The following SVIL variants were observed in gnomAD, a reference collection of about 807,000 sequenced individuals.
SVIL encodes the protein archvillin.
A neutral mutation model predicts 240.4 loss-of-function variants in SVIL; 101 were observed. The ratio of observed to expected loss-of-function variants is 0.42; its 90% CI spans 0.36 to 0.50. The LOEUF is 0.50. Ranked by LOEUF, SVIL falls within the 20% of genes least tolerant of loss-of-function variation. The pLI is 0.01. For missense variants in SVIL, 2,512 were observed against 2,818.7 expected, an observed-to-expected ratio of 0.89 and a Z score of 2.46; for synonymous variants, 999 against 1,100.0, an observed-to-expected ratio of 0.91 and a Z score of 1.82.
intron 3 of SVIL, among the ~76,000 whole-genome samples, chr10:29,559,754 G>A (rs1954282919): frequency 6.6e-6 from 1 of 152,170 alleles, no homozygotes; most frequent in African/African-American, 2.4e-5. Context: ...TGGACTCTGT[G>A]AGTCTATTTC....
chr10:29,637,348 G>A (rs1021406622), upstream of SVIL, among the ~76,000 whole-genome samples: 8 of 152,040 alleles, frequency 5.3e-5, no homozygotes, highest in Non-Finnish European at 1.0e-4. Context: ...TTAGCCAGGC[G>A]TGGTGGTGCA....
At chr10:29,639,013 T>C (rs1459941093), upstream of SVIL, among the ~76,000 whole-genome samples, 1 of 152,206 alleles carries the variant, frequency 6.6e-6, no homozygotes, top group Non-Finnish European at 1.5e-5. Flanking sequence ...CAGGCTGGTC[T>C]TGAACTCTTG....
At chr10:29,711,498 C>G (rs1047867029) in intron 1 of SVIL, among the ~76,000 whole-genome samples, 1 of 150,162 alleles carries the variant, frequency 6.7e-6, no homozygotes, top group African/African-American at 2.5e-5. Flanking sequence ...ACACTACTCA[C>G]GCCTGTAATC....
At chr10:29,677,097 C>T (rs552462250) in intron 2 of SVIL, among the ~76,000 whole-genome samples, 2 of 152,248 alleles carry the variant, frequency 1.3e-5, no homozygotes, top group South Asian at 4.1e-4. Context: ...AGAAATAATG[C>T]CAGGGACTAA....
intron 1 of SVIL, among the ~76,000 whole-genome samples, chr10:29,583,676 C>T (rs1025974031): frequency 4.6e-5 from 7 of 152,142 alleles, no homozygotes; most frequent in Non-Finnish European, 7.3e-5. Context: ...CTGATTGATG[C>T]GGGGTAGGGG....
At chr10:29,507,784 CAGG>C (rs1420059815) in intron 17 of SVIL, 1 of 985,152 alleles carries the variant, frequency 1.0e-6, no homozygotes, top group African/African-American at 1.7e-5. Context: ...GCAGGAATAG[CAGG>C]AGAATAAGTA....
At chr10:29,618,245 T>A (rs1957500987) in intron 1 of SVIL, among the ~76,000 whole-genome samples, 1 of 152,248 alleles carries the variant, frequency 6.6e-6, no homozygotes, top group African/African-American at 2.4e-5. Flanking sequence ...TTAGGAACCA[T>A]GACCTCAACT....
chr10:29,674,229 GGAA>G (rs1490138524), intron 2 of SVIL, among the ~76,000 whole-genome samples: 2 of 152,068 alleles, frequency 1.3e-5, no homozygotes, highest in Non-Finnish European at 2.9e-5. Context: ...CAGCTACTTG[GGAA>G]GCCAAGTGGG....
intron 2 of SVIL, among the ~76,000 whole-genome samples, chr10:29,686,400 T>G (rs572189708): frequency 1.3e-5 from 2 of 152,338 alleles, no homozygotes; most frequent in African/African-American, 2.4e-5. Context: ...TTAAGTTTTG[T>G]TTTTAAAAAG....
intron 30 of SVIL, 23 bp downstream of exon 30, chr10:29,473,815 G>T (rs568409608): frequency 1.9e-6 from 3 of 1,613,562 alleles, no homozygotes; most frequent in African/African-American, 1.3e-5. Flanking sequence ...AGTCCCCGGG[G>T]TGCAGAGCTC....
At chr10:29,692,943 C>T (rs1015495958) in intron 1 of SVIL, among the ~76,000 whole-genome samples, 2 of 152,168 alleles carry the variant, frequency 1.3e-5, no homozygotes, top group African/African-American at 4.8e-5. Flanking sequence ...TAGTCCTTAA[C>T]CATATATGCC....
At position 29,484,814 on chromosome 10, in the gene SVIL, A is replaced by C; in HGVS notation, c.4797T>G (p.Phe1599Leu). The change falls in exon 27 of 38, where the codon TTT becomes TTG. Residue 1599 changes from phenylalanine to leucine, a missense_variant. Coordinates refer to ENST00000355867, the MANE Select transcript of SVIL (RefSeq NM_021738.3). This position sits in a 1 kb window ranked among gnomAD's most constrained non-coding sequence, Gnocchi z 4.7. ...LQPKEVLVFD[F>L]GSEVYVWHGK... ...CATGCCATACGTAAACTTCACTACC[A>C]AAATCAAACACCAGTACCTGGGAGA... The C allele has an allele frequency of 6.2e-7, 1 of 1,610,552 alleles. No homozygotes were observed. Among genetic ancestry groups the C allele is most frequent in the Non-Finnish European group, 8.5e-7 (1 of 1,178,576 alleles).
upstream of SVIL, among the ~76,000 whole-genome samples, chr10:29,637,152 TAC>T (rs1355028900): frequency 6.6e-6 from 1 of 151,980 alleles, no homozygotes; most frequent in African/African-American, 2.4e-5. Context: ...ATAGTAAAGG[TAC>T]AGGCCCTAGA....
chr10:29,562,079 T>C (rs916090934), intron 3 of SVIL, among the ~76,000 whole-genome samples: 4 of 152,186 alleles, frequency 2.6e-5, no homozygotes, highest in South Asian at 2.1e-4. Flanking sequence ...AAAGAATACG[T>C]TTTTTGTTCT....
chr10:29,529,753 C>G lies in SVIL; in HGVS notation c.2198G>C (p.Arg733Thr). 6.2e-7 allele frequency: 1 copy of G among 1,613,684 alleles called. No homozygotes were observed. Among genetic ancestry groups the G allele is most frequent in the Non-Finnish European group, 8.5e-7 (1 of 1,179,830 alleles). ...AGTGGTGATGGGCTGGGTGAGGGAC[C>G]TGTCCTGCAGACGGCGTAGCCTCTG... Reference protein sequence around the residue: ...VEQRLRRLQDRSLTQPITTEE... With the variant: ...VEQRLRRLQDTSLTQPITTEE... The change falls in exon 12 of 38, where the codon AGG (arginine) becomes ACG (threonine). Residue 733 changes from arginine (R) to threonine (T), a missense_variant. Coordinates refer to ENST00000355867, the MANE Select transcript of SVIL (RefSeq NM_021738.3).
At chr10:29,700,908 G>T (rs917111715) in intron 1 of SVIL, among the ~76,000 whole-genome samples, 1 of 152,114 alleles carries the variant, frequency 6.6e-6, no homozygotes, top group Admixed American at 6.5e-5. Context: ...TTAGCCCATC[G>T]CTTCAAGGCT....
chr10:29,621,988 C>T (rs979931591), intron 1 of SVIL, among the ~76,000 whole-genome samples: 2 of 151,964 alleles, frequency 1.3e-5, no homozygotes, highest in African/African-American at 4.8e-5. Context: ...CGGTGGCTCA[C>T]GCCTGTAATC....
At chr10:29,603,942 T>C (rs1414247721) in intron 1 of SVIL, among the ~76,000 whole-genome samples, 1 of 152,212 alleles carries the variant, frequency 6.6e-6, no homozygotes, top group Non-Finnish European at 1.5e-5. Flanking sequence ...TTTACATTTG[T>C]AATTTTTTGA....
intron 1 of SVIL, among the ~76,000 whole-genome samples, chr10:29,723,401 A>G (rs1964103433): frequency 6.6e-6 from 1 of 152,188 alleles, no homozygotes; most frequent in African/African-American, 2.4e-5. Context: ...AAATAAATGT[A>G]TAACTAAGCA....
Sources: allele counts gnomAD v4.1 joint callset (sites outside exome capture counted in the v4.1 genomes callset), GRCh38; gene constraint gnomAD v4.1.1; non-coding constraint Gnocchi (gnomAD v3.1); transcripts MANE v1.5; gene names NCBI Gene and HGNC (gene_info 2026-07-23, HGNC 2026-07-21).